Variants in HYAL4 observed in about 807,000 individuals in gnomAD.
The protein encoded by HYAL4 is hyaluronidase 4.
HYAL4 carries 37 observed loss-of-function variants against 35.2 expected under a neutral mutation model. That is an observed-to-expected ratio of 1.05 (90% CI 0.81 to 1.38). HYAL4 has a LOEUF of 1.38. Ranked by LOEUF, HYAL4 falls within the 40% of genes most tolerant of loss-of-function variation. The pLI is 0.00. For missense variants in HYAL4, 572 were observed against 572.4 expected, an observed-to-expected ratio of 1.00 and a Z score of 0.01; for synonymous variants, 198 against 203.2, an observed-to-expected ratio of 0.97 and a Z score of 0.22.
the HYAL4 span, among the ~76,000 whole-genome samples, chr7:123,787,603 A>G: frequency 2.6e-5 from 4 of 152,078 alleles, no homozygotes; most frequent in African/African-American, 9.7e-5. Context: ...CCAAGTCCCT[A>G]CCCGCCTTAG....
chr7:123,844,508 A>C (rs999123375), upstream of HYAL4, among the ~76,000 whole-genome samples: 2 of 152,142 alleles, frequency 1.3e-5, no homozygotes, highest in Non-Finnish European at 2.9e-5. Context: ...TTGAGGAGGC[A>C]ATCTGTCCTT....
the HYAL4 span, among the ~76,000 whole-genome samples, chr7:123,812,219 CAT>C: frequency 6.6e-6 from 1 of 152,034 alleles, no homozygotes; most frequent in Non-Finnish European, 1.5e-5. Context: ...TTGCCTGAAA[CAT>C]ATCAGATTTG....
upstream of HYAL4, among the ~76,000 whole-genome samples, chr7:123,840,431 G>C (rs1260694528): frequency 6.6e-6 from 1 of 152,136 alleles, no homozygotes; most frequent in Non-Finnish European, 1.5e-5. Flanking sequence ...GATACCTCCA[G>C]CTTTGTTCTT....
Position 123,877,258 on chromosome 7 carries a change from AT to A in HYAL4, c.*105del. ...TCTCTTATGAATTCTATTGAGAGAT[AT>A]TATAAGTAGACATTATGTATGTCAC... On this transcript the variant is annotated 3_prime_UTR_variant, in exon 5 of 5. Transcript: ENST00000223026. The A allele has an allele frequency of 8.9e-7, 1 of 1,124,704 alleles. No individual in the cohort carries two copies. The highest frequency in any genetic ancestry group is 1.3e-6 in the Non-Finnish European group (1 of 788,872). The allele number at this position is 1,124,704 out of a possible 1,614,324, so 69.7% of individuals were successfully genotyped here. A position where few individuals can be genotyped will look rare whatever the true frequency, so the allele number is the denominator to read the frequency against.
the HYAL4 span, chr7:123,819,394 A>G: frequency 1.3e-5 from 2 of 152,630 alleles, no homozygotes; most frequent in Non-Finnish European, 2.9e-5. Flanking sequence ...CAGCAGGAGT[A>G]ATATTGTGGG....
At chr7:123,769,981 G>A in the HYAL4 span, among the ~76,000 whole-genome samples, 430 of 147,112 alleles carry the variant, frequency 2.9e-3, 5 homozygotes, top group East Asian at 0.038. Flanking sequence ...GCCAAGTAAA[G>A]TTTTTTTTTT....
At chr7:123,866,709 A>G (rs1806694309) in intron 2 of HYAL4, among the ~76,000 whole-genome samples, 1 of 152,184 alleles carries the variant, frequency 6.6e-6, no homozygotes, top group South Asian at 2.1e-4. Flanking sequence ...AGAGATGACT[A>G]AAAAATAACT....
chr7:123,877,232 T>G lies in HYAL4; in HGVS notation c.*77T>G. On this transcript the variant is annotated 3_prime_UTR_variant, in exon 5 of 5. Coordinates refer to ENST00000223026, the MANE Select transcript of HYAL4 (RefSeq NM_012269.3). ...AAGGATGTAACTTATAACATTTTTT[T>G]TCTCTTATGAATTCTATTGAGAGAT... The G allele has an allele frequency of 2.2e-6, 3 of 1,380,890 alleles. No individual in the cohort carries two copies. Among genetic ancestry groups the G allele is most frequent in the South Asian group, 1.4e-5 (1 of 70,736 alleles). The allele number at this position is 1,380,890 out of a possible 1,614,324, so 85.5% of individuals were successfully genotyped here.
chr7:123,837,151 C>T (rs192946945), intron 1 of HYAL4, among the ~76,000 whole-genome samples: 1 of 152,118 alleles, frequency 6.6e-6, no homozygotes, highest in Non-Finnish European at 1.5e-5. Context: ...ACTATCTTTC[C>T]TTCATTTGTG....
rs188931896 is a variant in HYAL4, at chr7:123,857,566, G to T, written c.-52+9408G>T. ...GCCAGGTACTTCAGTTGGAAATGCA[G>T]AAATCACCCTCATTCTGCATTGATC... On this transcript the variant is annotated intron_variant, in intron 2 of 4. Transcript: ENST00000223026. 7.1e-3 allele frequency among the ~76,000 whole-genome samples: 1,077 copies of T among 152,144 alleles called. 20 individuals are homozygous for T. The highest frequency in any genetic ancestry group is 5.4e-3 in the Non-Finnish European group (369 of 67,998).
At chr7:123,873,700 A>G (rs1806941316) in intron 3 of HYAL4, among the ~76,000 whole-genome samples, 1 of 152,218 alleles carries the variant, frequency 6.6e-6, no homozygotes, top group Admixed American at 6.5e-5. Flanking sequence ...ATACATTCAA[A>G]TCTTAATTTG....
At chr7:123,767,338 G>A in the HYAL4 span, among the ~76,000 whole-genome samples, 1 of 152,066 alleles carries the variant, frequency 6.6e-6, no homozygotes, top group Non-Finnish European at 1.5e-5. Flanking sequence ...GTTTTGTTTT[G>A]TTTGGTGAAC....
At chr7:123,854,190 GT>G (rs1295196809) in intron 2 of HYAL4, among the ~76,000 whole-genome samples, 2 of 151,960 alleles carry the variant, frequency 1.3e-5, no homozygotes, top group South Asian at 2.1e-4. Context: ...GATTCATTGT[GT>G]TTTTGAAAGG....
At chr7:123,847,495 A>G (rs1355520688) in intron 1 of HYAL4, among the ~76,000 whole-genome samples, 1 of 152,112 alleles carries the variant, frequency 6.6e-6, no homozygotes, top group Non-Finnish European at 1.5e-5. Flanking sequence ...TACATGCTTT[A>G]GGCCTGGAGC....
At chr7:123,876,680 A>G in intron 4 of HYAL4, 74 bp from the exon 5 acceptor site, 1 of 1,465,432 alleles carries the variant, frequency 6.8e-7, no homozygotes, top group Non-Finnish European at 9.3e-7. Flanking sequence ...CCAGCGAGAA[A>G]CACTAAAATC....
Position 123,877,093 on chromosome 7 carries a change from C to G in HYAL4, c.1384C>G (p.Pro462Ala). 1 of 1,614,122 alleles carries G rather than the reference C, an allele frequency of 6.2e-7. No individual in the cohort carries two copies. Among genetic ancestry groups the G allele is most frequent in the Non-Finnish European group, 8.5e-7 (1 of 1,180,006 alleles). The change falls in exon 5 of 5, where the codon CCT becomes GCT. Residue 462 changes from proline (P) to alanine (A), a missense_variant. Coordinates refer to ENST00000223026, the MANE Select transcript of HYAL4 (RefSeq NM_012269.3). The stretch of plus-strand genomic sequence containing the variant: ...TGGCTGCTCTGGGGTTTCCCCTTCT[C>G]CTGGTTCACTAATGACACTTTGTCT... Reference protein sequence around the residue: ...ADGCSGVSPSPGSLMTLCLLL... With the variant: ...ADGCSGVSPSAGSLMTLCLLL...
chr7:123,792,275 A>G, the HYAL4 span, among the ~76,000 whole-genome samples: 81,537 of 152,110 alleles, frequency 0.54, 22,632 homozygotes, highest in African/African-American at 0.68. Flanking sequence ...CACGGTACGT[A>G]TTTATTGGTT....
the HYAL4 span, among the ~76,000 whole-genome samples, chr7:123,773,572 C>T: frequency 1.3e-5 from 2 of 152,152 alleles, no homozygotes; most frequent in Admixed American, 1.3e-4. Context: ...AATGTTTTTA[C>T]ATAATGTATA....
At chr7:123,819,280 T>C in the HYAL4 span, 14 of 152,610 alleles carry the variant, frequency 9.2e-5, no homozygotes, top group African/African-American at 3.4e-4. Context: ...GTCTTATTAT[T>C]GCATTATCAC....
Sources: allele counts gnomAD v4.1 joint callset (sites outside exome capture counted in the v4.1 genomes callset), GRCh38; gene constraint gnomAD v4.1.1; transcripts MANE v1.5; gene names NCBI Gene and HGNC (gene_info 2026-07-23, HGNC 2026-07-21).